TMEM234: variants seen among roughly 807,000 people sequenced by gnomAD.
TMEM234 encodes the protein transmembrane protein 234.
A neutral mutation model predicts 17.8 loss-of-function variants in TMEM234; 21 were observed. That is an observed-to-expected ratio of 1.18 (90% confidence interval 0.84 to 1.70). The LOEUF (loss-of-function observed/expected upper bound fraction) is 1.70, where lower values mean the gene tolerates loss of function less well. Among genes scored for constraint, TMEM234 ranks in the 40% most tolerant of loss-of-function variants. TMEM234 has a pLI of 0.00. For missense variants in TMEM234, 137 were observed against 166.9 expected, an observed-to-expected ratio of 0.82 and a Z score of 0.99; for synonymous variants, 83 against 73.5, an observed-to-expected ratio of 1.13 and a Z score of -0.66.
In TMEM234 at chr1:32,221,912, G is replaced by T; in HGVS notation, c.123C>A (p.Ala41=). ...GLQRVHEPTW[A]QQLLQEMKTL... ...TCTTCATCTCCTGTAGCAACTGCTG[G>T]GCCCAGGTCGGCTCATGAACCCGCT... The change falls in exon 2 of 5, where the codon GCC becomes GCA. Residue 41 remains alanine, a synonymous_variant. Coordinates refer to ENST00000309777, the MANE Select transcript of TMEM234 (RefSeq NM_019118.5). 6.2e-7 allele frequency: 1 copy of T among 1,613,194 alleles called. No individual in the cohort carries two copies. Among genetic ancestry groups the T allele is most frequent in the African/African-American group, 1.3e-5 (1 of 75,006 alleles).
intron 3 of TMEM234, among the ~76,000 whole-genome samples, chr1:32,219,359 C>A (rs1171286221): frequency 6.6e-6 from 1 of 152,166 alleles, no homozygotes; most frequent in Non-Finnish European, 1.5e-5. Flanking sequence ...ACCCCACTTA[C>A]AAAGAGCTGC....
chr1:32,219,625 A>C (rs113536739), intron 3 of TMEM234, among the ~76,000 whole-genome samples: 1 of 152,108 alleles, frequency 6.6e-6, no homozygotes, highest in East Asian at 1.9e-4. Flanking sequence ...TGCCCACCTC[A>C]GCCTCCAAAA....
chr1:32,216,381 C>G lies in TMEM234; in HGVS notation c.*472G>C, dbSNP rs2124220527. ...ATTTCCTGCATCTGCCACTCCGACG[C>G]ACCTTCTTCCCTCGGTTCCACCCCT... On this transcript the variant is annotated 3_prime_UTR_variant, in exon 5 of 5. Coordinates refer to ENST00000309777, the MANE Select transcript of TMEM234 (RefSeq NM_019118.5). The G allele has an allele frequency of 6.4e-7, 1 of 1,551,062 alleles. No homozygotes were observed. Among genetic ancestry groups the G allele is most frequent in the East Asian group, 2.4e-5 (1 of 40,904 alleles).
downstream of TMEM234, chr1:32,215,964 C>T (rs1638349519): frequency 2.2e-6 from 3 of 1,334,376 alleles, no homozygotes; most frequent in Admixed American, 4.1e-5. Context: ...TAGCCTCCAG[C>T]AGCTTGTTCC....
chr1:32,217,183 G>C (rs1041328552), intron 4 of TMEM234, 76 bp downstream of exon 4: 1 of 1,613,262 alleles, frequency 6.2e-7, no homozygotes, highest in Non-Finnish European at 8.5e-7. Flanking sequence ...TGGGGAGATG[G>C]GTTCTGGGAA....
chr1:32,217,277 C>G lies in TMEM234; in HGVS notation c.310G>C (p.Glu104Gln). 6.2e-7 allele frequency: 1 copy of G among 1,614,184 alleles called. No homozygotes were observed. Among genetic ancestry groups the G allele is most frequent in the Non-Finnish European group, 8.5e-7 (1 of 1,180,044 alleles). Residue 104 changes from glutamate (E) to glutamine (Q), a missense_variant, in exon 4 of 5, where the codon GAA becomes CAA. Glu to Gln is a conservative substitution (Grantham distance 29). Coordinates refer to ENST00000309777, the MANE Select transcript of TMEM234 (RefSeq NM_019118.5). Reference sequence around the variant, plus strand: ...AACTTACGTTTTCCACCAATATCTTCTCCAAGGGCCTTCCCAACAATCAGT... The same window carrying G: ...AACTTACGTTTTCCACCAATATCTTGTCCAAGGGCCTTCCCAACAATCAGT... ...FTLIVGKALG[E>Q]DIGGKRAVAG...
chr1:32,219,573 G>A (rs750169898), intron 3 of TMEM234, among the ~76,000 whole-genome samples: 4 of 151,876 alleles, frequency 2.6e-5, no homozygotes, highest in Non-Finnish European at 5.9e-5. Flanking sequence ...TCGTATTTTT[G>A]TTGTTGTTGT....
At chr1:32,217,550 G>A (rs1638512078) in intron 3 of TMEM234, 199 bp from the exon 4 acceptor site, 1 of 1,253,074 alleles carries the variant, frequency 8.0e-7, no homozygotes, top group Non-Finnish European at 1.1e-6. Context: ...CCAGCATGAA[G>A]ACCTGAACTC....
chr1:32,215,746 G>C, downstream of TMEM234: 6 of 1,392,844 alleles, frequency 4.3e-6, no homozygotes, highest in Non-Finnish European at 5.9e-6. Flanking sequence ...CTGGCTGAGA[G>C]CTGGAGGCTG....
chr1:32,222,048 C>A, intron 1 of TMEM234, 30 bp from the exon 2 acceptor site: 1 of 1,578,320 alleles, frequency 6.3e-7, no homozygotes, highest in Non-Finnish European at 8.6e-7. Flanking sequence ...TCACCCTGAC[C>A]CCCACCCCAA....
rs746026576 is a variant in TMEM234 at position 32,222,301 on chromosome 1, A to T, written c.16+6T>A. 6.4e-7 allele frequency: 1 copy of T among 1,553,738 alleles called. No homozygotes were observed. Among genetic ancestry groups the T allele is most frequent in the Non-Finnish European group, 8.7e-7 (1 of 1,150,080 alleles). ...AATCCATGGAAGGGCGGGGCCGGCT[A>T]CCTACCCAGAGACGCCGCCATGGCA... On this transcript the variant is annotated splice_donor_region_variant and intron_variant, in intron 1 of 4. Coordinates refer to ENST00000309777, the MANE Select transcript of TMEM234 (RefSeq NM_019118.5).
chr1:32,222,085 G>C, intron 1 of TMEM234, 67 bp from the exon 2 acceptor site: 2 of 1,517,626 alleles, frequency 1.3e-6, no homozygotes, highest in East Asian at 4.7e-5. Flanking sequence ...CCCTCTCCTG[G>C]CCTTCTAGCC....
chr1:32,217,486 T>A, intron 3 of TMEM234, 135 bp from the exon 4 acceptor site: 2 of 1,536,358 alleles, frequency 1.3e-6, no homozygotes, highest in Non-Finnish European at 1.7e-6. Flanking sequence ...TCACAGCAAA[T>A]CTCAGGACTC....
rs143824879 is a variant in TMEM234 at position 32,217,295 on chromosome 1, C to A, written c.292G>T (p.Val98Phe). 7.1e-4 allele frequency: 1,139 copies of A among 1,614,134 alleles called. 6 individuals carry two copies. In the African/African-American group the frequency reaches 0.013, roughly 18 times the overall value. ...NSLAIIFTLI[V>F]GKALGEDIGG... ...ATATCTTCTCCAAGGGCCTTCCCAA[C>A]AATCAGTGTGAAGATGATAGCCAGA... The change falls in exon 4 of 5, where the codon GTT becomes TTT. Residue 98 changes from valine to phenylalanine, a missense_variant. Physicochemically the swap from Val to Phe is conservative, Grantham distance 50. Coordinates refer to ENST00000309777, the MANE Select transcript of TMEM234 (RefSeq NM_019118.5).
downstream of TMEM234, chr1:32,215,505 G>C: frequency 6.2e-7 from 1 of 1,613,858 alleles, no homozygotes; most frequent in Non-Finnish European, 8.5e-7. Flanking sequence ...GGAAGTAGCA[G>C]ATGATGAAGA....
chr1:32,215,959 TC>T, downstream of TMEM234: 1 of 1,373,296 alleles, frequency 7.3e-7, no homozygotes, highest in Non-Finnish European at 1.0e-6. Context: ...GTCCTTAGCC[TC>T]CAGCAGCTTG....
At chr1:32,219,083 G>A (rs1190491576) in intron 3 of TMEM234, among the ~76,000 whole-genome samples, 1 of 147,930 alleles carries the variant, frequency 6.8e-6, no homozygotes, top group African/African-American at 2.5e-5. Flanking sequence ...TTGCACTCCA[G>A]CTTGGGCAAC....
At chr1:32,217,591 G>C (rs750800957) in intron 3 of TMEM234, 1 of 836,566 alleles carries the variant, frequency 1.2e-6, no homozygotes, top group South Asian at 1.4e-5. Context: ...GTTTGATAAT[G>C]AGAATGAGGT....
intron 3 of TMEM234, among the ~76,000 whole-genome samples, chr1:32,217,782 G>T (rs936977773): frequency 6.6e-6 from 1 of 152,144 alleles, no homozygotes; most frequent in African/African-American, 2.4e-5. Context: ...CTGCAAGAAG[G>T]GGATTATCAC....
Sources: gnomAD v4.1 joint callset for allele counts (sites outside exome capture counted in the v4.1 genomes callset) on GRCh38, gnomAD v4.1.1 for gene constraint, MANE v1.5 for transcripts, NCBI Gene and HGNC (gene_info 2026-07-23, HGNC 2026-07-21) for gene names.